TDRD5: variants seen among roughly 807,000 people sequenced by gnomAD.
TDRD5 encodes tudor domain containing 5, also known as tudor domain-containing protein 5.
Under a neutral mutation model 120.6 loss-of-function variants are expected in TDRD5, and 41 were observed. That is an observed-to-expected ratio of 0.34 (90% CI 0.26 to 0.44). TDRD5 has a LOEUF of 0.44. Ranked by LOEUF, TDRD5 falls within the 20% of genes least tolerant of loss-of-function variation. The pLI is 1.00. For missense variants in TDRD5, 1,006 were observed against 1,221.2 expected, an observed-to-expected ratio of 0.82 and a Z score of 2.63; for synonymous variants, 430 against 433.7, an observed-to-expected ratio of 0.99 and a Z score of 0.11.
chr1:179,611,852 T>C (rs1359706407), intron 4 of TDRD5, among the ~76,000 whole-genome samples: 2 of 152,176 alleles, frequency 1.3e-5, no homozygotes, highest in East Asian at 3.9e-4. Flanking sequence ...CACATTTCAC[T>C]TCCAGTTGAA....
intron 14 of TDRD5, 32 bp downstream of exon 14, chr1:179,654,394 T>C (rs766754590): frequency 6.7e-7 from 1 of 1,500,222 alleles, no homozygotes; most frequent in South Asian, 1.3e-5. Context: ...TTTGAATATG[T>C]AATTAATATA....
At chr1:179,679,913 G>T (rs910974768) in intron 17 of TDRD5, among the ~76,000 whole-genome samples, 1 of 151,804 alleles carries the variant, frequency 6.6e-6, no homozygotes, top group African/African-American at 2.4e-5. Flanking sequence ...TGAAACCTTA[G>T]ATCATTCATT....
Position 179,593,615 on chromosome 1 carries a change from ATTC to A in TDRD5, c.392_394del (p.Leu131del). ...ACCTTACCGAGGAAGGGTTGCCCCTATTCTTCCAGCTGTTGTGAAGAGTGAGTT... is the reference window on the plus strand; with the variant it reads ...ACCTTACCGAGGAAGGGTTGCCCCTATTCCAGCTGTTGTGAAGAGTGAGTT... On this transcript the variant is annotated inframe_deletion, in exon 3 of 18. Transcript: ENST00000444136. 6.2e-7 allele frequency: 1 copy of A among 1,614,232 alleles called. No homozygotes were observed. Among genetic ancestry groups the A allele is most frequent in the South Asian group, 1.1e-5 (1 of 91,080 alleles).
chr1:179,656,143 G>GTGT (rs909212607), intron 14 of TDRD5, among the ~76,000 whole-genome samples: 5 of 152,194 alleles, frequency 3.3e-5, no homozygotes, highest in African/African-American at 1.2e-4. Flanking sequence ...TTTAATAGGT[G>GTGT]TGTAGTAGTA....
chr1:179,612,439 A>G (rs573774423), intron 4 of TDRD5, among the ~76,000 whole-genome samples: 2 of 152,326 alleles, frequency 1.3e-5, no homozygotes, highest in African/African-American at 4.8e-5. Flanking sequence ...TGAATAGCAT[A>G]TGAATTTAGC....
intron 10 of TDRD5, 100 bp downstream of exon 10, chr1:179,640,151 C>G (rs1402926394): frequency 1.5e-6 from 2 of 1,300,978 alleles, no homozygotes; most frequent in East Asian, 2.3e-5. Flanking sequence ...GCCTTCCTCC[C>G]TCCAATCCTT....
At chr1:179,627,445 TG>T (rs1677191403) in intron 6 of TDRD5, among the ~76,000 whole-genome samples, 1 of 152,186 alleles carries the variant, frequency 6.6e-6, no homozygotes, top group South Asian at 2.1e-4. Flanking sequence ...GGTGAACATA[TG>T]CAAAATTATT....
chr1:179,687,355 G>T (rs1403434168), intron 17 of TDRD5, among the ~76,000 whole-genome samples: 1 of 152,236 alleles, frequency 6.6e-6, no homozygotes, highest in African/African-American at 2.4e-5. Context: ...GAGCGGTTTT[G>T]AGTGAGTTTC....
intron 4 of TDRD5, among the ~76,000 whole-genome samples, chr1:179,602,854 A>T (rs528529056): frequency 1.3e-5 from 2 of 152,252 alleles, no homozygotes; most frequent in East Asian, 3.9e-4. Flanking sequence ...TGCTTTGGCT[A>T]TGCGGGCTCT....
At chr1:179,682,387 C>T (rs1392282896) in intron 17 of TDRD5, among the ~76,000 whole-genome samples, 1 of 152,078 alleles carries the variant, frequency 6.6e-6, no homozygotes, top group East Asian at 1.9e-4. Flanking sequence ...AATGCTATCC[C>T]TTCCCTTGCC....
At chr1:179,664,493 G>A (rs1295192890) in intron 16 of TDRD5, among the ~76,000 whole-genome samples, 1 of 152,006 alleles carries the variant, frequency 6.6e-6, no homozygotes, top group Admixed American at 6.5e-5. Context: ...CACAGCCTTA[G>A]GCAGCTACTT....
At chr1:179,640,812 G>T (rs1678002883) in intron 11 of TDRD5, among the ~76,000 whole-genome samples, 1 of 152,220 alleles carries the variant, frequency 6.6e-6, no homozygotes, top group Non-Finnish European at 1.5e-5. Flanking sequence ...ATTTTAAGTA[G>T]TTCTGTTTGG....
intron 9 of TDRD5, 35 bp from the exon 10 acceptor site, chr1:179,639,804 C>T: frequency 6.3e-7 from 1 of 1,584,342 alleles, no homozygotes; most frequent in South Asian, 1.2e-5. Context: ...TTTTTTCTTC[C>T]CCTATGGATT....
intron 4 of TDRD5, among the ~76,000 whole-genome samples, chr1:179,596,208 A>G (rs1558367039): frequency 1.3e-5 from 2 of 152,224 alleles, no homozygotes; most frequent in African/African-American, 4.8e-5. Context: ...TTGAATAAAA[A>G]CTATTAGAAT....
chr1:179,606,783 C>T (rs1446747582), intron 4 of TDRD5, among the ~76,000 whole-genome samples: 1 of 152,016 alleles, frequency 6.6e-6, no homozygotes, highest in African/African-American at 2.4e-5. Flanking sequence ...TGTCTAGGTT[C>T]TCTAGTCTGT....
chr1:179,681,111 T>G (rs1310325257), intron 17 of TDRD5, among the ~76,000 whole-genome samples: 1 of 152,212 alleles, frequency 6.6e-6, no homozygotes, highest in African/African-American at 2.4e-5. Flanking sequence ...GGGGTCTCAC[T>G]CTGCTGCCCA....
In TDRD5 at chr1:179,593,665, T is replaced by C; in HGVS notation, c.438T>C (p.Ser146=). The C allele has an allele frequency of 6.2e-7, 1 of 1,614,268 alleles. No homozygotes were observed. The highest frequency in any genetic ancestry group is 8.5e-7 in the Non-Finnish European group (1 of 1,180,050). ...KSELKDLLAL[S]PVLLSDFEKA... ...AGTTGAAGGACCTGTTGGCGTTATC[T>C]CCTGTTCTTCTTTCTGATTTTGAAA... Residue 146 remains serine, a synonymous_variant, in exon 3 of 18, where the codon TCT becomes TCC. Coordinates refer to ENST00000444136, the MANE Select transcript of TDRD5 (RefSeq NM_001199085.3).
intron 11 of TDRD5, 139 bp downstream of exon 11, chr1:179,640,584 T>C: frequency 1.2e-6 from 1 of 826,296 alleles, no homozygotes; most frequent in Non-Finnish European, 1.9e-6. Flanking sequence ...GTATGGAAAA[T>C]AGACATGTAG....
intron 11 of TDRD5, among the ~76,000 whole-genome samples, chr1:179,643,139 G>C (rs1678144419): frequency 6.6e-6 from 1 of 152,106 alleles, no homozygotes; most frequent in African/African-American, 2.4e-5. Flanking sequence ...ATCAACAGTT[G>C]GCATTTGAGG....
Sources: gnomAD v4.1 joint callset for allele counts (sites outside exome capture counted in the v4.1 genomes callset) on GRCh38, gnomAD v4.1.1 for gene constraint, MANE v1.5 for transcripts, NCBI Gene and HGNC (gene_info 2026-07-23, HGNC 2026-07-21) for gene names.